Variants in INTS10 observed in about 807,000 individuals in gnomAD.
The protein encoded by INTS10 is chromosome 8 open reading frame 35.
In INTS10, 44 loss-of-function variants were observed where a neutral mutation model predicts 94.4. That is an observed-to-expected ratio of 0.47 (90% CI 0.37 to 0.60). INTS10 has a LOEUF of 0.60. Among genes scored for constraint, INTS10 ranks in the 20% least tolerant of loss-of-function variants. INTS10 has a pLI of 0.00. For synonymous variants in INTS10, 341 were observed against 320.7 expected (o/e 1.06, Z -0.68); for missense variants, 797 against 868.7 (o/e 0.92, Z 1.04).
Position 19,849,081 on chromosome 8 carries a change from A to G in INTS10, c.1977-2568A>G. 1.7e-6 allele frequency: 1 copy of G among 574,648 alleles called. No individual in the cohort carries two copies. The highest frequency in any genetic ancestry group is 2.9e-6 in the Non-Finnish European group (1 of 341,980). 35.6% of individuals were successfully genotyped at this position (574,648 alleles called of 1,614,324 possible). On this transcript the variant is annotated intron_variant, in intron 16 of 16. Coordinates refer to ENST00000397977, the MANE Select transcript of INTS10 (RefSeq NM_018142.4). The surrounding 1 kb of genome is among the most constrained non-coding windows in gnomAD (Gnocchi z 4.6). ...GTTTAGTCTGCTTCTAGTCTTGTGT[A>G]TTTTCTCTGGAGTGTTGTTTTTGCA...
Position 19,824,023 on chromosome 8 carries a change from G to C in INTS10, c.815G>C (p.Trp272Ser). ...AATGTTGTTGGAATGAGATGTGAAT[G>C]GCAGATGGATAAAGGAAGACGGTAA... ...ILNVVGMRCEWQMDKGRRSYG... is the reference protein window; with the variant it reads ...ILNVVGMRCESQMDKGRRSYG... The change falls in exon 7 of 17, where the codon TGG (tryptophan) becomes TCG (serine). Residue 272 changes from tryptophan to serine, a missense_variant. Transcript: ENST00000397977. The C allele has an allele frequency of 6.2e-7, 1 of 1,609,584 alleles. No homozygotes were observed. The highest frequency in any genetic ancestry group is 8.5e-7 in the Non-Finnish European group (1 of 1,178,272).
chr8:19,847,945 C>G (rs1361758511), intron 16 of INTS10, among the ~76,000 whole-genome samples: 4 of 152,194 alleles, frequency 2.6e-5, no homozygotes, highest in Admixed American at 1.3e-4. Context: ...CTATAGAAGA[C>G]AAGCCTCTTA....
rs190612124 is a variant in INTS10, at chr8:19,829,907, A to T, written c.1141-499A>T. Among the ~76,000 whole-genome samples, 3 of 152,254 alleles carry T rather than the reference A, an allele frequency of 2.0e-5. No homozygotes were observed. In the East Asian group the frequency reaches 5.8e-4, roughly 29 times the overall value. On this transcript the variant is annotated intron_variant, in intron 9 of 16. Transcript: ENST00000397977. The stretch of plus-strand genomic sequence containing the variant: ...GGTCTCAAACTCCTGGCCTTAAGTG[A>T]TCTGTCCTCCTCGGCCTCCCGAAGT...
At position 19,849,753 on chromosome 8, in the gene INTS10, T is replaced by C. The variant is rs978112251; in HGVS notation, c.1977-1896T>C. Among the ~76,000 whole-genome samples the C allele has an allele frequency of 3.9e-5, 6 of 152,348 alleles. No homozygotes were observed. The highest frequency in any genetic ancestry group is 1.4e-4 in the African/African-American group (6 of 41,578). On this transcript the variant is annotated intron_variant, in intron 16 of 16. Transcript: ENST00000397977. The surrounding 1 kb of genome is among the most constrained non-coding windows in gnomAD (Gnocchi z 4.6). The stretch of plus-strand genomic sequence containing the variant: ...ACCTTTCTGAATTGAAAATATTTGA[T>C]AGGCTAAAATGCCACATTTATTAGC...
At position 19,833,339 on chromosome 8, in the gene INTS10, A is replaced by C; in HGVS notation, c.1530+18A>C. 6.6e-7 allele frequency: 1 copy of C among 1,523,128 alleles called. No homozygotes were observed. The highest frequency in any genetic ancestry group is 8.8e-7 in the Non-Finnish European group (1 of 1,132,920). 94.4% of individuals were successfully genotyped at this position (1,523,128 alleles called of 1,614,324 possible). On this transcript the variant is annotated intron_variant, in intron 12 of 16. Coordinates refer to ENST00000397977, the MANE Select transcript of INTS10 (RefSeq NM_018142.4). ...AGTACAGAGTGAGTACTGCACACAT[A>C]CATGCCTGCCGCAGGTGCACGGGGC...
intron 15 of INTS10, 41 bp from the exon 16 acceptor site, chr8:19,845,663 C>A: frequency 7.0e-7 from 1 of 1,436,274 alleles, no homozygotes; most frequent in Non-Finnish European, 9.8e-7. Context: ...AGAAAACTAG[C>A]ACCTTTTTTT....
At chr8:19,844,859 ATATTCT>A (rs1289926044) in intron 15 of INTS10, among the ~76,000 whole-genome samples, 1 of 152,104 alleles carries the variant, frequency 6.6e-6, no homozygotes, top group Admixed American at 6.5e-5. Flanking sequence ...AATATAAATG[ATATTCT>A]TGTTCAGGTG....
In INTS10 at chr8:19,818,238, A is replaced by G. The variant is rs2066094815; in HGVS notation, c.130-37A>G. On this transcript the variant is annotated intron_variant, in intron 1 of 16. Coordinates refer to ENST00000397977, the MANE Select transcript of INTS10 (RefSeq NM_018142.4). ...TGGATGAGCTGGGAGCCTTCTGGGC[A>G]GGGGTGAGTGACCAGGGTGCCTGAT... 2.5e-6 allele frequency: 4 copies of G among 1,607,058 alleles called. No individual in the cohort carries two copies. The Admixed American group carries it at 6.7e-5, about 27-fold the overall frequency.
rs1228117712 is a variant in INTS10, at chr8:19,817,598, G to A, written c.61G>A (p.Asp21Asn). 3 of 1,609,000 alleles carry A rather than the reference G, an allele frequency of 1.9e-6. No individual in the cohort carries two copies. The South Asian group carries it at 3.3e-5, about 18-fold the overall frequency. Reference sequence around the variant, plus strand: ...GCGAGCCCGGGAGTTGGTGCCGCAAGACCTGTGGGCAGCCAAGGCGTGGCT... The same window carrying A: ...GCGAGCCCGGGAGTTGGTGCCGCAAAACCTGTGGGCAGCCAAGGCGTGGCT... ...VQRARELVPQ[D>N]LWAAKAWLIT... The change falls in exon 1 of 17, where the codon GAC (aspartate) becomes AAC (asparagine). Residue 21 changes from aspartate (D) to asparagine (N), a missense_variant. Coordinates refer to ENST00000397977, the MANE Select transcript of INTS10 (RefSeq NM_018142.4).
At chr8:19,820,001 T>C (rs1358405754) in intron 3 of INTS10, among the ~76,000 whole-genome samples, 2 of 152,362 alleles carry the variant, frequency 1.3e-5, no homozygotes, top group East Asian at 1.9e-4. Context: ...GCTTTCTCTT[T>C]AAACTTCTGT....
chr8:19,824,784 A>ATCATTCCTTCCTTTTTAG lies in INTS10; in HGVS notation c.837-18_837-1dup. 1 of 1,580,376 alleles carries ATCATTCCTTCCTTTTTAG rather than the reference A, an allele frequency of 6.3e-7. No homozygotes were observed. The highest frequency in any genetic ancestry group is 8.6e-7 in the Non-Finnish European group (1 of 1,157,192). On this transcript the variant is annotated intron_variant, in intron 7 of 16. Transcript: ENST00000397977. ...AGCCCAGAGTAATCAAATAAGTTTC[A>ATCATTCCTTCCTTTTTAG]TCATTCCTTCCTTTTTAGAAGCTAT...
intron 16 of INTS10, among the ~76,000 whole-genome samples, chr8:19,848,253 G>A (rs2068739545): frequency 6.6e-6 from 1 of 152,148 alleles, no homozygotes; most frequent in African/African-American, 2.4e-5. Flanking sequence ...GATGTTGTGA[G>A]CAGTGTACAC....
intron 13 of INTS10, 21 bp downstream of exon 13, chr8:19,837,181 A>T (rs760088636): frequency 2.7e-6 from 4 of 1,462,532 alleles, no homozygotes; most frequent in Middle Eastern, 1.7e-4. Flanking sequence ...ATGTTTTATG[A>T]CTATTTTGTA....
At chr8:19,829,948 A>C (rs183467161) in intron 9 of INTS10, among the ~76,000 whole-genome samples, 6 of 152,312 alleles carry the variant, frequency 3.9e-5, no homozygotes, top group African/African-American at 1.4e-4. Flanking sequence ...GAATATAGGC[A>C]TAAGCTGCCA....
At position 19,835,724 on chromosome 8, in the gene INTS10, GA is replaced by G. The variant is rs201934093; in HGVS notation, c.1531-1327del. Reference sequence around the variant, plus strand: ...CCAGGCTGCTCATCTCTCTAAACTAGAGCTTCACAACCCTGTGGGCATAGGT... The same window carrying G: ...CCAGGCTGCTCATCTCTCTAAACTAGGCTTCACAACCCTGTGGGCATAGGT... On this transcript the variant is annotated intron_variant, in intron 12 of 16. Coordinates refer to ENST00000397977, the MANE Select transcript of INTS10 (RefSeq NM_018142.4). Among the ~76,000 whole-genome samples, 500 of 152,248 alleles carry G rather than the reference GA, an allele frequency of 3.3e-3. 3 individuals are homozygous for G. Among genetic ancestry groups the G allele is most frequent in the African/African-American group, 0.012 (478 of 41,544 alleles).
chr8:19,851,045 G>A lies in INTS10; in HGVS notation c.1977-604G>A, dbSNP rs191907027. The stretch of plus-strand genomic sequence containing the variant: ...GTGTCAGGACCCCACCTCCCGCTGC[G>A]TTTTCTTCAACATATGAGAGTCTAG... On this transcript the variant is annotated intron_variant, in intron 16 of 16. Transcript: ENST00000397977. The surrounding 1 kb of genome is among the most constrained non-coding windows in gnomAD (Gnocchi z 5.0). Among the ~76,000 whole-genome samples the A allele has an allele frequency of 2.0e-5, 3 of 152,238 alleles. No homozygotes were observed. The highest frequency in any genetic ancestry group is 2.1e-4 in the South Asian group (1 of 4,816).
intron 16 of INTS10, among the ~76,000 whole-genome samples, chr8:19,850,363 G>A (rs766009532): frequency 4.6e-5 from 7 of 152,110 alleles, no homozygotes; most frequent in Non-Finnish European, 4.4e-5. Flanking sequence ...CAGATTTGAC[G>A]AGAGATAGTC....
At position 19,826,458 on chromosome 8, in the gene INTS10, C is replaced by G. The variant is rs1274202534; in HGVS notation, c.1039C>G (p.Leu347Val). ...PNAPSQVPLVLLEDVSNVYGD... is the reference protein window; with the variant it reads ...PNAPSQVPLVVLEDVSNVYGD... The stretch of plus-strand genomic sequence containing the variant: ...TGCCCCGAGCCAAGTTCCACTGGTT[C>G]TTCTTGAAGATGTATCGAATGTGTA... The change falls in exon 9 of 17, where the codon CTT (leucine) becomes GTT (valine). Residue 347 changes from leucine (L) to valine (V), a missense_variant. Leu to Val is a conservative substitution (Grantham distance 32). Coordinates refer to ENST00000397977, the MANE Select transcript of INTS10 (RefSeq NM_018142.4). The G allele has an allele frequency of 1.2e-5, 19 of 1,612,354 alleles. No homozygotes were observed. The highest frequency in any genetic ancestry group is 1.5e-5 in the Non-Finnish European group (18 of 1,179,522).
intron 16 of INTS10, among the ~76,000 whole-genome samples, chr8:19,847,705 TTTC>T (rs1394142288): frequency 6.6e-6 from 1 of 152,198 alleles, no homozygotes; most frequent in Non-Finnish European, 1.5e-5. Flanking sequence ...GTACTGAACC[TTTC>T]TTCTTCTACC....
Sources: gnomAD v4.1 joint callset for allele counts (sites outside exome capture counted in the v4.1 genomes callset) on GRCh38, gnomAD v4.1.1 for gene constraint, Gnocchi (gnomAD v3.1) non-coding constraint, MANE v1.5 for transcripts, NCBI Gene and HGNC (gene_info 2026-07-23, HGNC 2026-07-21) for gene names.